TMPRSS13: variants seen among roughly 807,000 people sequenced by gnomAD.
TMPRSS13 encodes transmembrane serine protease 13.
A neutral mutation model predicts 68.4 loss-of-function variants in TMPRSS13; 50 were observed. The observed-to-expected ratio is 0.73, with a 90% confidence interval of 0.58 to 0.93. The LOEUF (loss-of-function observed/expected upper bound fraction) is 0.93, where lower values mean the gene tolerates loss of function less well. Ranked by LOEUF, TMPRSS13 falls within the 40% of genes least tolerant of loss-of-function variation. The pLI, the probability that TMPRSS13 is intolerant of heterozygous loss-of-function variation, is 0.00. For synonymous variants in TMPRSS13, 267 were observed against 285.8 expected (o/e 0.93, Z 0.66); for missense variants, 615 against 729.2 (o/e 0.84, Z 1.80).
chr11:117,904,385 T>A (rs2057442822), intron 10 of TMPRSS13, among the ~76,000 whole-genome samples: 1 of 152,216 alleles, frequency 6.6e-6, no homozygotes, highest in African/African-American at 2.4e-5. Flanking sequence ...ACCCGACATG[T>A]TGCACAGCAC....
At chr11:117,912,313 A>C (rs2134893687) in intron 5 of TMPRSS13, among the ~76,000 whole-genome samples, 1 of 152,046 alleles carries the variant, frequency 6.6e-6, no homozygotes, top group East Asian at 1.9e-4. Flanking sequence ...AGCAGCAGCA[A>C]CCCCCCCAGA....
chr11:117,920,895 G>A (rs934128781), intron 1 of TMPRSS13, among the ~76,000 whole-genome samples: 15 of 152,194 alleles, frequency 9.9e-5, no homozygotes, highest in African/African-American at 3.4e-4. Context: ...CTGGGCAAGC[G>A]ACATAACCCT....
In TMPRSS13 at chr11:117,902,072, G is replaced by GCACACACACACA. The variant is rs3839950; in HGVS notation, c.*155_*166dup. The GCACACACACACA allele has an allele frequency of 3.2e-5, 21 of 647,200 alleles. No homozygotes were observed. Among genetic ancestry groups the GCACACACACACA allele is most frequent in the Admixed American group, 1.2e-4 (5 of 42,030 alleles). The allele number at this position is 647,200 out of a possible 1,614,324, so 40.1% of individuals were successfully genotyped here. ...TGGGAGAGTGGCAATGCACACATAT[G>GCACACACACACA]CACACACACACACACACACACACAC... is the stretch of plus-strand genomic sequence containing the variant. On this transcript the variant is annotated 3_prime_UTR_variant, in exon 13 of 13. Coordinates refer to ENST00000524993, the MANE Select transcript of TMPRSS13 (RefSeq NM_001077263.3).
Position 117,922,989 on chromosome 11 carries a change from G to GGGCAGGAGGCAGCAT in TMPRSS13, c.22-4152_22-4151insATGCTGCCTCCTGCC, listed in dbSNP as rs370393368. 3.9e-3 allele frequency among the ~76,000 whole-genome samples: 598 copies of GGGCAGGAGGCAGCAT among 152,344 alleles called. 1 individual carries two copies. Among genetic ancestry groups the GGGCAGGAGGCAGCAT allele is most frequent in the African/African-American group, 0.012 (499 of 41,580 alleles). Reference sequence around the variant, plus strand: ...TGTTCAGGGCCCTCCAGACGTGTTGGGGCAGGAAGGCAGGGCAGGGGTCCG... The same window carrying GGGCAGGAGGCAGCAT: ...TGTTCAGGGCCCTCCAGACGTGTTGGGGCAGGAGGCAGCATGGCAGGAAGGCAGGGCAGGGGTCCG... On this transcript the variant is annotated intron_variant, in intron 1 of 12. Coordinates refer to ENST00000524993, the MANE Select transcript of TMPRSS13 (RefSeq NM_001077263.3). This position sits in a 1 kb window ranked among gnomAD's most constrained non-coding sequence, Gnocchi z 4.2.
chr11:117,929,308 G>C lies in TMPRSS13; in HGVS notation c.-1C>G, dbSNP rs1435315216. ...TCACCCCGTGGCTGTCCCTCTCCAT[G>C]GTCTCTGAGGGGAAGAGTCCTCCAG... On this transcript the variant is annotated 5_prime_UTR_variant, in exon 1 of 13. Coordinates refer to ENST00000524993, the MANE Select transcript of TMPRSS13 (RefSeq NM_001077263.3). 6.2e-7 allele frequency: 1 copy of C among 1,605,310 alleles called. No individual in the cohort carries two copies. The highest frequency in any genetic ancestry group is 1.3e-5 in the African/African-American group (1 of 74,598).
intron 1 of TMPRSS13, among the ~76,000 whole-genome samples, chr11:117,927,023 G>A (rs868844571): frequency 6.6e-6 from 1 of 152,168 alleles, no homozygotes; most frequent in Non-Finnish European, 1.5e-5. Context: ...CGGATCAAAA[G>A]GTTTCTCTGT....
At chr11:117,926,887 T>A (rs1372767411) in intron 1 of TMPRSS13, among the ~76,000 whole-genome samples, 1 of 152,178 alleles carries the variant, frequency 6.6e-6, no homozygotes, top group African/African-American at 2.4e-5. Context: ...TCTATCTCTA[T>A]CTCTCTATGC....
At chr11:117,923,684 G>A (rs1193453610) in intron 1 of TMPRSS13, among the ~76,000 whole-genome samples, 1 of 152,050 alleles carries the variant, frequency 6.6e-6, no homozygotes, top group Non-Finnish European at 1.5e-5. Flanking sequence ...AGGGCCTGTC[G>A]GGGAGTGGGG....
intron 9 of TMPRSS13, chr11:117,908,271 T>C (rs1212394598): frequency 3.8e-6 from 2 of 530,122 alleles, no homozygotes; most frequent in Non-Finnish European, 6.5e-6. Flanking sequence ...TGAAATCATA[T>C]GTGTGAAATG....
chr11:117,912,571 A>T (rs1027372973), intron 5 of TMPRSS13, among the ~76,000 whole-genome samples: 1 of 152,212 alleles, frequency 6.6e-6, no homozygotes, highest in African/African-American at 2.4e-5. Context: ...ATATTTCTAG[A>T]ACATGGTACA....
In TMPRSS13 at chr11:117,905,729, G is replaced by A. The variant is rs1487594110; in HGVS notation, c.1290C>T (p.Ile430=). 1.1e-5 allele frequency: 17 copies of A among 1,597,138 alleles called. No homozygotes were observed. The East Asian group carries it at 1.1e-4, about 11-fold the overall frequency. The change falls in exon 10 of 13, where the codon ATC becomes ATT. Residue 430 remains isoleucine, a synonymous_variant. Transcript: ENST00000524993. ...LSKPLTLSAH[I]HPACLPMHGQ... is the part of the protein sequence containing the mutation. ...CATGCATGGGGAGGCAAGCAGGGTG[G>A]ATGTGAGCTGCAACAAGACCTCCAG... is the stretch of plus-strand genomic sequence containing the variant.
At position 117,904,119 on chromosome 11, in the gene TMPRSS13, G is replaced by A; in HGVS notation, c.1382-18C>T. ...TGTCTTGTCTTCAGTGAAGTGGGGT[G>A]GAGGAGACAGAGGATGGGAAGCCAG... On this transcript the variant is annotated intron_variant, in intron 10 of 12. Transcript: ENST00000524993. 1 of 1,612,024 alleles carries A rather than the reference G, an allele frequency of 6.2e-7. No individual in the cohort carries two copies. Among genetic ancestry groups the A allele is most frequent in the East Asian group, 2.2e-5 (1 of 44,864 alleles).
chr11:117,928,423 T>C (rs1388596696), intron 1 of TMPRSS13, among the ~76,000 whole-genome samples: 1 of 152,050 alleles, frequency 6.6e-6, no homozygotes, highest in South Asian at 2.1e-4. Flanking sequence ...AGCCAAAACA[T>C]AGGATGAGCT....
intron 1 of TMPRSS13, among the ~76,000 whole-genome samples, chr11:117,925,837 C>A (rs1425226985): frequency 6.6e-6 from 1 of 152,266 alleles, no homozygotes; most frequent in Non-Finnish European, 1.5e-5. Context: ...CCACCCAGCT[C>A]CCCAGCCCAG....
chr11:117,913,020 C>T (rs946828366), intron 5 of TMPRSS13, among the ~76,000 whole-genome samples: 2 of 152,130 alleles, frequency 1.3e-5, no homozygotes, highest in African/African-American at 2.4e-5. Flanking sequence ...GGGTGGAGAA[C>T]ATGTTCTAAA....
In TMPRSS13 at chr11:117,914,029, G is replaced by A; in HGVS notation, c.680-123C>T. On this transcript the variant is annotated intron_variant, in intron 4 of 12. Transcript: ENST00000524993. The surrounding 1 kb of genome is among the most constrained non-coding windows in gnomAD (Gnocchi z 4.2). Reference sequence around the variant, plus strand: ...CTGACAGCACTCCTTGCTGAGGCCTGGGAAAAGTCCAGGAACATGGCCTGG... The same window carrying A: ...CTGACAGCACTCCTTGCTGAGGCCTAGGAAAAGTCCAGGAACATGGCCTGG... 8.2e-7 allele frequency: 1 copy of A among 1,214,490 alleles called. No homozygotes were observed. Among genetic ancestry groups the A allele is most frequent in the Non-Finnish European group, 1.1e-6 (1 of 877,008 alleles). 75.2% of individuals were successfully genotyped at this position (1,214,490 alleles called of 1,614,324 possible).
intron 5 of TMPRSS13, 104 bp downstream of exon 5, chr11:117,913,673 C>T: frequency 1.4e-6 from 2 of 1,465,816 alleles, no homozygotes; most frequent in Non-Finnish European, 1.8e-6. Context: ...CCCCGGTCCC[C>T]AAGGGTCTTT....
rs543025519 is a variant in TMPRSS13 at position 117,914,729 on chromosome 11, C to G, written c.557-215G>C. 9.9e-5 allele frequency among the ~76,000 whole-genome samples: 15 copies of G among 152,228 alleles called. No individual in the cohort carries two copies. The East Asian group carries it at 2.9e-3, about 29-fold the overall frequency. On this transcript the variant is annotated intron_variant, in intron 3 of 12. Coordinates refer to ENST00000524993, the MANE Select transcript of TMPRSS13 (RefSeq NM_001077263.3). The surrounding 1 kb of genome is among the most constrained non-coding windows in gnomAD (Gnocchi z 4.2). ...CAAGCAGGGCAGCACCAGGCAGATT[C>G]AAGCAGCCAGCCACCCAGAAAGAGA...
intron 9 of TMPRSS13, chr11:117,908,158 T>C (rs2057482578): frequency 5.2e-6 from 4 of 774,814 alleles, no homozygotes; most frequent in Non-Finnish European, 6.8e-6. Context: ...CACCTATTAC[T>C]TGTGGCCTCA....
Sources: allele counts gnomAD v4.1 joint callset (sites outside exome capture counted in the v4.1 genomes callset), GRCh38; gene constraint gnomAD v4.1.1; non-coding constraint Gnocchi (gnomAD v3.1); transcripts MANE v1.5; gene names NCBI Gene and HGNC (gene_info 2026-07-23, HGNC 2026-07-21).